MYO1D: variants seen among roughly 807,000 people sequenced by gnomAD.
MYO1D encodes the protein myosin ID.
Under a neutral mutation model 122.0 loss-of-function variants are expected in MYO1D, and 83 were observed. The observed-to-expected ratio is 0.68, with a 90% CI of 0.57 to 0.82. The LOEUF is 0.82. Ranked by LOEUF, MYO1D falls within the 40% of genes least tolerant of loss-of-function variation. MYO1D has a pLI of 0.00. For missense variants in MYO1D, 1,157 were observed against 1,269.5 expected (o/e 0.91, Z 1.35); for synonymous variants, 464 against 446.9 (o/e 1.04, Z -0.48).
At chr17:32,860,673 A>G (rs1486407035) in intron 1 of MYO1D, among the ~76,000 whole-genome samples, 1 of 152,236 alleles carries the variant, frequency 6.6e-6, no homozygotes, top group Non-Finnish European at 1.5e-5. Context: ...AAAGCAAAAG[A>G]GCTAGGAATA....
intron 1 of MYO1D, among the ~76,000 whole-genome samples, chr17:32,810,403 T>C (rs1333226064): frequency 1.3e-5 from 2 of 152,086 alleles, no homozygotes; most frequent in Admixed American, 6.5e-5. Flanking sequence ...TAGGTCTAAA[T>C]AGCAAATGAT....
chr17:32,587,619 G>C (rs1176409781), intron 21 of MYO1D, among the ~76,000 whole-genome samples: 2 of 152,202 alleles, frequency 1.3e-5, no homozygotes, highest in East Asian at 1.9e-4. Flanking sequence ...TAACAAGGCT[G>C]AGTTTTGTTT....
intron 21 of MYO1D, among the ~76,000 whole-genome samples, chr17:32,542,135 T>TGCCTCATG (rs1347880680): frequency 6.6e-6 from 1 of 152,186 alleles, no homozygotes; most frequent in Non-Finnish European, 1.5e-5. Context: ...TTTGTCTGTG[T>TGCCTCATG]GCCTCATGTC....
intron 21 of MYO1D, among the ~76,000 whole-genome samples, chr17:32,592,487 C>A (rs8066514): frequency 6.6e-6 from 1 of 151,662 alleles, no homozygotes; most frequent in Non-Finnish European, 1.5e-5. Context: ...CCTAATTCTT[C>A]TATGATTTCA....
intron 16 of MYO1D, among the ~76,000 whole-genome samples, chr17:32,670,078 T>C (rs374226643): frequency 2.0e-5 from 3 of 152,034 alleles, no homozygotes; most frequent in Non-Finnish European, 2.9e-5. Flanking sequence ...CTTTTTTTAG[T>C]AGAGACGGGG....
intron 6 of MYO1D, among the ~76,000 whole-genome samples, chr17:32,768,485 G>A (rs371270616): frequency 2.6e-5 from 4 of 152,180 alleles, no homozygotes; most frequent in African/African-American, 4.8e-5. Flanking sequence ...AGCAGCAGCC[G>A]CAGAGGCTTG....
chr17:32,858,114 C>A (rs1048655642), intron 1 of MYO1D, among the ~76,000 whole-genome samples: 1 of 152,154 alleles, frequency 6.6e-6, no homozygotes, highest in African/African-American at 2.4e-5. Flanking sequence ...ACTTTAGAGG[C>A]CACATAGACC....
chr17:32,733,470 T>G (rs1005508697), intron 14 of MYO1D, among the ~76,000 whole-genome samples: 3 of 152,148 alleles, frequency 2.0e-5, no homozygotes, highest in Admixed American at 6.5e-5. Flanking sequence ...CAAGAGAGAT[T>G]CACACCCCCT....
intron 20 of MYO1D, among the ~76,000 whole-genome samples, chr17:32,608,300 A>G (rs1005082763): frequency 2.0e-5 from 3 of 152,234 alleles, no homozygotes; most frequent in African/African-American, 7.2e-5. Flanking sequence ...AAACAACTCA[A>G]TTAAAAATGA....
intron 1 of MYO1D, among the ~76,000 whole-genome samples, chr17:32,821,982 T>A (rs1373216873): frequency 2.0e-5 from 3 of 152,230 alleles, no homozygotes; most frequent in Non-Finnish European, 4.4e-5. Context: ...CTCAGGGATC[T>A]AGAACTAGAA....
At chr17:32,870,597 TAAA>T (rs34935920) in intron 1 of MYO1D, among the ~76,000 whole-genome samples, 198 of 138,748 alleles carry the variant, frequency 1.4e-3, no homozygotes, top group Admixed American at 1.5e-3. Flanking sequence ...GATTGTCTGC[TAAA>T]AAAAAAAAAA....
chr17:32,583,644 T>C (rs2087361899), intron 21 of MYO1D, among the ~76,000 whole-genome samples: 2 of 152,208 alleles, frequency 1.3e-5, no homozygotes, highest in South Asian at 2.1e-4. Context: ...AGTTCTGTAA[T>C]ATCTAATGTG....
intron 10 of MYO1D, among the ~76,000 whole-genome samples, chr17:32,756,431 G>A (rs1225236283): frequency 2.6e-5 from 4 of 152,132 alleles, no homozygotes; most frequent in Non-Finnish European, 4.4e-5. Flanking sequence ...GTGGCTCTAT[G>A]TGTAAATGCC....
chr17:32,564,139 C>T (rs948180120), intron 21 of MYO1D, among the ~76,000 whole-genome samples: 1 of 152,202 alleles, frequency 6.6e-6, no homozygotes, highest in Non-Finnish European at 1.5e-5. Flanking sequence ...TTGTGGAGTC[C>T]CTGGCCTGCA....
chr17:32,821,245 T>C (rs1441825424), intron 1 of MYO1D, among the ~76,000 whole-genome samples: 2 of 152,234 alleles, frequency 1.3e-5, no homozygotes, highest in South Asian at 4.1e-4. Context: ...ATATAATTTT[T>C]GTTTGTCAAT....
chr17:32,724,568 G>A (rs554065212), intron 14 of MYO1D, among the ~76,000 whole-genome samples: 7 of 152,266 alleles, frequency 4.6e-5, no homozygotes, highest in Admixed American at 3.3e-4. Context: ...TTTTTTTCCT[G>A]GGGAAATTTG....
intron 1 of MYO1D, among the ~76,000 whole-genome samples, chr17:32,815,131 T>G (rs1390457400): frequency 6.6e-6 from 1 of 152,162 alleles, no homozygotes; most frequent in African/African-American, 2.4e-5. Context: ...GATGGTAAAA[T>G]ACTGAAGACA....
At position 32,745,250 on chromosome 17, in the gene MYO1D, T is replaced by A; in HGVS notation, c.1574A>T (p.Asp525Val). Reference protein sequence around the residue: ...SVIGFIDKNKDTLFQDFKRLM... With the variant: ...SVIGFIDKNKVTLFQDFKRLM... ...GCGCTTGAAATCTTGAAATAAAGTATCTTTATTTTTGTCAATAAAACCAAT... is the reference window on the plus strand; with the variant it reads ...GCGCTTGAAATCTTGAAATAAAGTAACTTTATTTTTGTCAATAAAACCAAT... Residue 525 changes from aspartate (D) to valine (V), a missense_variant, in exon 13 of 22, where the codon GAT (aspartate) becomes GTT (valine). Transcript: ENST00000318217. The A allele has an allele frequency of 6.5e-7, 1 of 1,548,060 alleles. No homozygotes were observed. Among genetic ancestry groups the A allele is most frequent in the Middle Eastern group, 1.7e-4 (1 of 5,906 alleles).
intron 21 of MYO1D, among the ~76,000 whole-genome samples, chr17:32,536,516 T>C (rs932625477): frequency 6.6e-6 from 1 of 152,202 alleles, no homozygotes; most frequent in Admixed American, 6.5e-5. Context: ...GGTTTAGATA[T>C]TAAAACGAAT....
Sources: allele counts gnomAD v4.1 joint callset (sites outside exome capture counted in the v4.1 genomes callset), GRCh38; gene constraint gnomAD v4.1.1; transcripts MANE v1.5; gene names NCBI Gene and HGNC (gene_info 2026-07-23, HGNC 2026-07-21).